CDON: variants seen among roughly 807,000 people sequenced by gnomAD.
The protein encoded by CDON is cell adhesion associated, oncogene regulated.
A neutral mutation model predicts 120.9 loss-of-function variants in CDON; 73 were observed. The observed-to-expected ratio is 0.60, with a 90% CI of 0.50 to 0.73. The LOEUF (loss-of-function observed/expected upper bound fraction) is 0.73. Ranked by LOEUF, CDON falls within the 30% of genes least tolerant of loss-of-function variation. The pLI, the probability that CDON is intolerant of heterozygous loss-of-function variation, is 0.00. For synonymous variants in CDON, 566 were observed against 573.5 expected, an observed-to-expected ratio of 0.99 and a Z score of 0.19; for missense variants, 1,470 against 1,587.3, an observed-to-expected ratio of 0.93 and a Z score of 1.26.
intron 1 of CDON, among the ~76,000 whole-genome samples, chr11:126,037,842 T>C (rs532602542): frequency 5.3e-4 from 81 of 152,296 alleles, no homozygotes; most frequent in South Asian, 5.0e-3. Flanking sequence ...TCCACAGTTT[T>C]TTTCCAGCTT....
chr11:125,986,261 C>T (rs1241394450), intron 15 of CDON, among the ~76,000 whole-genome samples: 1 of 151,906 alleles, frequency 6.6e-6, no homozygotes, highest in Non-Finnish European at 1.5e-5. Flanking sequence ...AACCCTCGGA[C>T]ACAGGGCGGG....
At chr11:126,032,429 G>C (rs1161304806) in intron 1 of CDON, among the ~76,000 whole-genome samples, 1 of 152,026 alleles carries the variant, frequency 6.6e-6, no homozygotes, top group Non-Finnish European at 1.5e-5. Flanking sequence ...ACAGTGAGGG[G>C]AAAGCAACAT....
At chr11:125,973,090 TC>T (rs1322806159) in intron 18 of CDON, among the ~76,000 whole-genome samples, 2 of 146,174 alleles carry the variant, frequency 1.4e-5, no homozygotes. Flanking sequence ...ATCCTAATTC[TC>T]TCAAAATTCT....
In CDON at chr11:126,023,419, A is replaced by G. The variant is rs1488968807; in HGVS notation, c.58T>C (p.Cys20Arg). The G allele has an allele frequency of 6.2e-7, 1 of 1,611,372 alleles. No individual in the cohort carries two copies. The highest frequency in any genetic ancestry group is 2.2e-5 in the East Asian group (1 of 44,866). ...TLLYVTLTIL[C>R]SSVSSDLAPY... ...CTCTTACCTGAACTCACAGAAGAGC[A>G]CAGAATTGTAAGAGTAACATACAGC... The change falls in exon 2 of 20, where the codon TGC (cysteine) becomes CGC (arginine). Residue 20 changes from cysteine to arginine, a missense_variant. Transcript: ENST00000531738.
intron 10 of CDON, among the ~76,000 whole-genome samples, chr11:126,002,517 C>T (rs1040056747): frequency 1.1e-4 from 16 of 152,302 alleles, no homozygotes; most frequent in African/African-American, 3.8e-4. Context: ...TACTCTTCCA[C>T]CCAGTTCCCT....
intron 1 of CDON, among the ~76,000 whole-genome samples, chr11:126,043,568 T>C (rs1465978692): frequency 1.3e-5 from 2 of 152,142 alleles, no homozygotes. Flanking sequence ...AACTTAAGGA[T>C]AGGTATTATT....
At chr11:126,032,298 G>A (rs1947964645) in intron 1 of CDON, among the ~76,000 whole-genome samples, 1 of 151,914 alleles carries the variant, frequency 6.6e-6, no homozygotes, top group Admixed American at 6.6e-5. Flanking sequence ...TTTGGGGGAT[G>A]GAGTAGAGGA....
intron 18 of CDON, among the ~76,000 whole-genome samples, chr11:125,973,388 C>T (rs565253084): frequency 6.6e-6 from 1 of 152,148 alleles, no homozygotes; most frequent in South Asian, 2.1e-4. Context: ...AAAAATTAGC[C>T]GGGCGTGGTG....
intron 1 of CDON, among the ~76,000 whole-genome samples, chr11:126,046,860 T>C (rs1191833617): frequency 6.6e-6 from 1 of 152,216 alleles, no homozygotes; most frequent in African/African-American, 2.4e-5. Flanking sequence ...ACCTTGAGGA[T>C]GGTACTTTAC....
At chr11:126,063,121 C>A (rs139162076), upstream of CDON, 1,661 of 152,396 alleles carry the variant, frequency 0.011, 19 homozygotes, top group African/African-American at 0.029. Context: ...CTGGGCAGGA[C>A]CCTCTCCTCG....
intron 1 of CDON, among the ~76,000 whole-genome samples, chr11:126,050,874 C>T (rs1174133802): frequency 6.6e-6 from 1 of 152,192 alleles, no homozygotes; most frequent in Non-Finnish European, 1.5e-5. Context: ...ACTCCTCTGA[C>T]ACCATATTAG....
In CDON at chr11:126,018,351, C is replaced by G. The variant is rs1300596095; in HGVS notation, c.619G>C (p.Gly207Arg). 1.2e-6 allele frequency: 2 copies of G among 1,613,956 alleles called. No homozygotes were observed. Among genetic ancestry groups the G allele is most frequent in the East Asian group, 4.5e-5 (2 of 44,880 alleles). The change falls in exon 5 of 20, where the codon GGC (glycine) becomes CGC (arginine). Residue 207 changes from glycine (G) to arginine (R), a missense_variant. Coordinates refer to ENST00000531738, the MANE Select transcript of CDON (RefSeq NM_001378964.1). ...VTHQLKVEPI[G>R]RKLLVSRPSS... ...TTACGACTCACAAGGAGCTTTCGGC[C>G]AATAGGTTCAACTTTTAATTGATGT... is the stretch of plus-strand genomic sequence containing the variant.
intron 18 of CDON, among the ~76,000 whole-genome samples, chr11:125,967,262 A>C (rs988379221): frequency 3.9e-5 from 6 of 152,228 alleles, no homozygotes; most frequent in African/African-American, 1.4e-4. Context: ...ATTCACATTA[A>C]ACTCTAACTA....
In CDON at chr11:126,015,350, G is replaced by A. The variant is rs141744145; in HGVS notation, c.1089C>T (p.Asn363=). 1.8e-4 allele frequency: 291 copies of A among 1,614,048 alleles called. No homozygotes were observed. Among genetic ancestry groups the A allele is most frequent in the African/African-American group, 9.9e-4 (74 of 75,020 alleles). Residue 363 remains asparagine (N), a synonymous_variant, in exon 7 of 20, where the codon AAC becomes AAT. Coordinates refer to ENST00000531738, the MANE Select transcript of CDON (RefSeq NM_001378964.1). Reference sequence around the variant, plus strand: ...CAGTAACCCCACTGATTTTCAGTCCGTTTCCTGCAGTTAGATGTCGTGCAG... The same window carrying A: ...CAGTAACCCCACTGATTTTCAGTCCATTTCCTGCAGTTAGATGTCGTGCAG... ...HPSARHLTAG[N]GLKISGVTVE... is the part of the protein sequence containing the mutation.
At chr11:126,038,702 A>G (rs984776260) in intron 1 of CDON, among the ~76,000 whole-genome samples, 6 of 152,136 alleles carry the variant, frequency 3.9e-5, no homozygotes, top group African/African-American at 1.4e-4. Context: ...GAGCATTTCC[A>G]ATTTGAAAAC....
rs73628585 is a variant in CDON at position 125,995,104 on chromosome 11, G to A, written c.2363-52C>T. ...ACAACAACAACAAAAACATAACTAA[G>A]AAAAGCTATAATAAGACAACTAAAG... On this transcript the variant is annotated intron_variant, in intron 12 of 19. Transcript: ENST00000531738. 1,572 of 1,505,470 alleles carry A rather than the reference G, an allele frequency of 1.0e-3. 20 individuals are homozygous for A. In the African/African-American group the frequency reaches 0.018, roughly 18 times the overall value. 93.3% of individuals were successfully genotyped at this position (1,505,470 alleles called of 1,614,324 possible). A position where few individuals can be genotyped will look rare whatever the true frequency, so the allele number is the denominator to read the frequency against.
chr11:126,042,788 C>CT (rs1340416732), intron 1 of CDON, among the ~76,000 whole-genome samples: 1 of 151,906 alleles, frequency 6.6e-6, no homozygotes, highest in Non-Finnish European at 1.5e-5. Flanking sequence ...TGCTCGGCTT[C>CT]TTTTTTTGTA....
chr11:125,965,168 C>A (rs576480594), intron 18 of CDON, among the ~76,000 whole-genome samples: 12 of 152,264 alleles, frequency 7.9e-5, no homozygotes, highest in African/African-American at 2.6e-4. Flanking sequence ...TGAGTTCAGG[C>A]AATCCACCCG....
chr11:126,035,387 T>C (rs1279322966), intron 1 of CDON, among the ~76,000 whole-genome samples: 2 of 152,218 alleles, frequency 1.3e-5, no homozygotes, highest in Non-Finnish European at 2.9e-5. Flanking sequence ...ACCTAGAACA[T>C]ATTAATACTA....
Sources: gnomAD v4.1 joint callset for allele counts (sites outside exome capture counted in the v4.1 genomes callset) on GRCh38, gnomAD v4.1.1 for gene constraint, MANE v1.5 for transcripts, NCBI Gene and HGNC (gene_info 2026-07-23, HGNC 2026-07-21) for gene names.